The following BCL2L13 variants were observed in gnomAD, a reference collection of about 807,000 sequenced individuals.
The protein encoded by BCL2L13 is bcl-2-like protein 13.
In BCL2L13, 13 loss-of-function variants were observed where a neutral mutation model predicts 25.8. The observed-to-expected ratio is 0.50, with a 90% confidence interval of 0.33 to 0.80. The LOEUF (loss-of-function observed/expected upper bound fraction) is 0.80. Among genes scored for constraint, BCL2L13 ranks in the 30% least tolerant of loss-of-function variants. The probability of loss-of-function intolerance (pLI) is 0.02; values close to 1 mark genes in which losing one functional copy is unlikely to be tolerated. For missense variants in BCL2L13, 504 were observed against 574.9 expected (o/e 0.88, Z 1.26); for synonymous variants, 244 against 230.3 (o/e 1.06, Z -0.54).
intron 2 of BCL2L13, among the ~76,000 whole-genome samples, chr22:17,682,814 G>T (rs931408819): frequency 2.6e-5 from 4 of 152,090 alleles, no homozygotes; most frequent in African/African-American, 4.8e-5. Flanking sequence ...AATGAATTTT[G>T]ATTTTGCATT....
At chr22:17,693,312 C>T (rs113337096) in intron 4 of BCL2L13, among the ~76,000 whole-genome samples, 11 of 149,324 alleles carry the variant, frequency 7.4e-5, no homozygotes, top group African/African-American at 2.7e-4. Flanking sequence ...GTGGACAGAG[C>T]AGAAAAATGC....
intron 2 of BCL2L13, among the ~76,000 whole-genome samples, chr22:17,677,667 A>G (rs993650340): frequency 3.9e-5 from 6 of 152,060 alleles, no homozygotes; most frequent in Non-Finnish European, 7.4e-5. Flanking sequence ...AGGTCAGGAG[A>G]TCGAGACCAT....
chr22:17,646,955 A>ATATATTTTTT (rs768488873), intron 1 of BCL2L13, among the ~76,000 whole-genome samples: 22 of 22,190 alleles, frequency 9.9e-4, no homozygotes, highest in Admixed American at 1.3e-3. Flanking sequence ...ATATATATAT[A>ATATATTTTTT]TTTTTTTTTT....
intron 2 of BCL2L13, among the ~76,000 whole-genome samples, chr22:17,658,317 T>C (rs2058952759): frequency 6.6e-6 from 1 of 152,160 alleles, no homozygotes; most frequent in Non-Finnish European, 1.5e-5. Flanking sequence ...AACAAAAGCC[T>C]TCAGTGTATT....
intron 6 of BCL2L13, among the ~76,000 whole-genome samples, chr22:17,719,862 G>A (rs2061062125): frequency 6.7e-6 from 1 of 148,576 alleles, no homozygotes; most frequent in Admixed American, 6.7e-5. Context: ...AATGAAGTAT[G>A]GATACATGCT....
At chr22:17,635,622 G>T (rs1182876239), upstream of BCL2L13, among the ~76,000 whole-genome samples, 1 of 152,052 alleles carries the variant, frequency 6.6e-6, no homozygotes, top group Non-Finnish European at 1.5e-5. Context: ...AAAAGGGAAG[G>T]CCAGGAACTT....
chr22:17,654,691 T>A (rs2058797041), intron 1 of BCL2L13, among the ~76,000 whole-genome samples: 1 of 152,012 alleles, frequency 6.6e-6, no homozygotes, highest in South Asian at 2.1e-4. Context: ...CCCAAAGTGC[T>A]AGGATTACAG....
At position 17,688,976 on chromosome 22, in the gene BCL2L13, C is replaced by G; in HGVS notation, c.230-10C>G. ...TATTATATTAGGTTTTTCTTTTGTC[C>G]TATCTTCAGCCTTCACCAGCACAGG... On this transcript the variant is annotated splice_polypyrimidine_tract_variant and intron_variant, in intron 3 of 6. Coordinates refer to ENST00000317582, the MANE Select transcript of BCL2L13 (RefSeq NM_015367.4). 1.9e-6 allele frequency: 3 copies of G among 1,606,334 alleles called. No homozygotes were observed. The highest frequency in any genetic ancestry group is 2.5e-6 in the Non-Finnish European group (3 of 1,177,642).
intron 1 of BCL2L13, among the ~76,000 whole-genome samples, chr22:17,631,776 C>T (rs1259985226): frequency 7.8e-6 from 1 of 128,126 alleles, no homozygotes; most frequent in African/African-American, 3.0e-5. Flanking sequence ...GGCTGGAGTG[C>T]AGTGGCGCAG....
At chr22:17,680,157 G>T (rs1314377708) in intron 2 of BCL2L13, among the ~76,000 whole-genome samples, 7 of 142,154 alleles carry the variant, frequency 4.9e-5, no homozygotes, top group African/African-American at 1.6e-4. Flanking sequence ...GGAGGTTGCA[G>T]TCAGCCGAGA....
chr22:17,710,338 C>A lies in BCL2L13; in HGVS notation c.600+7952C>A, dbSNP rs958769203. Among the ~76,000 whole-genome samples, 11 of 150,840 alleles carry A rather than the reference C, an allele frequency of 7.3e-5. No individual in the cohort carries two copies. The South Asian group carries it at 2.3e-3, about 32-fold the overall frequency. ...GCTCACACCTGTAATCCCAGCACTT[C>A]GGGAGGCCGAGGCAGGCAGATCATT... On this transcript the variant is annotated intron_variant, in intron 6 of 6. Transcript: ENST00000317582.
intron 6 of BCL2L13, chr22:17,706,685 G>A: frequency 7.4e-7 from 1 of 1,346,656 alleles, no homozygotes; most frequent in Non-Finnish European, 9.8e-7. Context: ...CCCGGTGAGG[G>A]CACAGACTGG....
At chr22:17,718,112 G>T (rs9605385) in intron 6 of BCL2L13, among the ~76,000 whole-genome samples, 13,192 of 143,954 alleles carry the variant, frequency 0.092, 679 homozygotes, top group Non-Finnish European at 0.11. Flanking sequence ...GAAAAGAAAA[G>T]AACAGGAGGG....
rs747794734 is a variant in BCL2L13 at position 17,659,822 on chromosome 22, A to G, written c.121+3990A>G. On this transcript the variant is annotated intron_variant, in intron 2 of 6. Transcript: ENST00000317582. The stretch of plus-strand genomic sequence containing the variant: ...AAATTAAAATCCCTTAGATATCTTC[A>G]TTTATACAAACATTTAATTTATTTA... Among the ~76,000 whole-genome samples, 5 of 146,196 alleles carry G rather than the reference A, an allele frequency of 3.4e-5. 1 individual carries two copies. The highest frequency in any genetic ancestry group is 7.8e-5 in the Non-Finnish European group (5 of 64,308).
chr22:17,709,051 C>A lies in BCL2L13; in HGVS notation c.600+6665C>A, dbSNP rs983650602. Reference sequence around the variant, plus strand: ...GAGATCGAGACCATCCTGACTAACACGGTGAAACCCCGTCTCTACTAAAAA... The same window carrying A: ...GAGATCGAGACCATCCTGACTAACAAGGTGAAACCCCGTCTCTACTAAAAA... On this transcript the variant is annotated intron_variant, in intron 6 of 6. Transcript: ENST00000317582. 2.0e-5 allele frequency among the ~76,000 whole-genome samples: 3 copies of A among 151,778 alleles called. No individual in the cohort carries two copies. The East Asian group carries it at 5.8e-4, about 29-fold the overall frequency.
chr22:17,656,453 C>T (rs773275602), intron 2 of BCL2L13, among the ~76,000 whole-genome samples: 11 of 135,202 alleles, frequency 8.1e-5, no homozygotes, highest in African/African-American at 2.8e-4. Flanking sequence ...CCGGTTCAAG[C>T]GATTCTGCCT....
At chr22:17,720,200 G>A (rs943481732) in intron 6 of BCL2L13, among the ~76,000 whole-genome samples, 2 of 51,450 alleles carry the variant, frequency 3.9e-5, no homozygotes, top group African/African-American at 8.5e-5. Context: ...ACAGGGTCTC[G>A]TTCTGTCATT....
chr22:17,668,005 G>T (rs1380878170), intron 2 of BCL2L13, among the ~76,000 whole-genome samples: 2 of 88,744 alleles, frequency 2.3e-5, no homozygotes, highest in Admixed American at 2.6e-4. Context: ...GGAAGGGCTT[G>T]TAGTTGCCTA....
At chr22:17,693,368 G>GTTTTTTTT (rs1335053444) in intron 4 of BCL2L13, among the ~76,000 whole-genome samples, 1 of 112,236 alleles carries the variant, frequency 8.9e-6, no homozygotes, top group African/African-American at 3.9e-5. Flanking sequence ...TTTATTTAGT[G>GTTTTTTTT]TTTGTTTTTT....
Sources: allele counts gnomAD v4.1 joint callset (sites outside exome capture counted in the v4.1 genomes callset), GRCh38; gene constraint gnomAD v4.1.1; transcripts MANE v1.5; gene names NCBI Gene and HGNC (gene_info 2026-07-23, HGNC 2026-07-21).